CAP2: variants seen among roughly 807,000 people sequenced by gnomAD.
CAP2 encodes adenylyl cyclase-associated protein 2.
In CAP2, 24 loss-of-function variants were observed where a neutral mutation model predicts 57.7. That is an observed-to-expected ratio of 0.42 (90% CI 0.30 to 0.58). CAP2 has a LOEUF of 0.58. Ranked by LOEUF, CAP2 falls within the 20% of genes least tolerant of loss-of-function variation. The pLI is 0.22. For synonymous variants in CAP2, 194 were observed against 207.2 expected, an observed-to-expected ratio of 0.94 and a Z score of 0.55; for missense variants, 501 against 590.3, an observed-to-expected ratio of 0.85 and a Z score of 1.57.
chr6:17,460,122 A>C (rs772516741), intron 3 of CAP2, among the ~76,000 whole-genome samples: 7 of 152,232 alleles, frequency 4.6e-5, no homozygotes, highest in Non-Finnish European at 8.8e-5. Context: ...AAGGGAGAAA[A>C]AAATCAAGCT....
chr6:17,434,646 A>G (rs61406083), intron 3 of CAP2, among the ~76,000 whole-genome samples: 4,733 of 152,262 alleles, frequency 0.031, 213 homozygotes, highest in African/African-American at 0.1. Flanking sequence ...ATTTCCCTCC[A>G]TACCCCTGAA....
At chr6:17,444,977 A>G (rs563137362) in intron 3 of CAP2, among the ~76,000 whole-genome samples, 151 of 152,320 alleles carry the variant, frequency 9.9e-4, no homozygotes, top group African/African-American at 3.5e-3. Context: ...AATATAAGAA[A>G]GTGAGACTAA....
At chr6:17,524,893 CT>C (rs11325666) in intron 7 of CAP2, among the ~76,000 whole-genome samples, 81,757 of 109,592 alleles carry the variant, frequency 0.75, 29,127 homozygotes, top group East Asian at 0.9. Context: ...CTTTTCTTTT[CT>C]TTTTTTTTTT....
At chr6:17,536,531 T>TCG (rs1009739951) in intron 7 of CAP2, among the ~76,000 whole-genome samples, 2 of 152,228 alleles carry the variant, frequency 1.3e-5, no homozygotes, top group African/African-American at 4.8e-5. Flanking sequence ...ATGCTTTGTC[T>TCG]CGCGTTCCTG....
At chr6:17,420,027 A>G (rs985476045) in intron 1 of CAP2, among the ~76,000 whole-genome samples, 2 of 151,878 alleles carry the variant, frequency 1.3e-5, no homozygotes, top group Non-Finnish European at 2.9e-5. Context: ...GTGTGCCATC[A>G]AGCCCAGCTA....
At chr6:17,531,825 C>A (rs1427506722) in intron 7 of CAP2, among the ~76,000 whole-genome samples, 1 of 152,164 alleles carries the variant, frequency 6.6e-6, no homozygotes. Flanking sequence ...CTGAGGAGAG[C>A]TGGTCACTTC....
intron 4 of CAP2, among the ~76,000 whole-genome samples, chr6:17,499,469 C>T (rs1299967891): frequency 2.6e-5 from 4 of 151,100 alleles, no homozygotes; most frequent in Admixed American, 6.6e-5. Flanking sequence ...TGAGATACCA[C>T]GACAACGTAA....
In CAP2 at chr6:17,500,043, G is replaced by A. The variant is rs1239422675; in HGVS notation, c.301-7126G>A. 3.3e-5 allele frequency among the ~76,000 whole-genome samples: 5 copies of A among 151,608 alleles called. No homozygotes were observed. The East Asian group carries it at 9.7e-4, about 29-fold the overall frequency. On this transcript the variant is annotated intron_variant, in intron 4 of 12. Coordinates refer to ENST00000229922, the MANE Select transcript of CAP2 (RefSeq NM_006366.3). ...AACTGTTGTAAAATCATGTACATGA[G>A]TGGTGCTCACTAGGTTTTGCAAACA...
At chr6:17,431,036 G>T (rs1759714699) in intron 3 of CAP2, among the ~76,000 whole-genome samples, 1 of 152,074 alleles carries the variant, frequency 6.6e-6, no homozygotes. Context: ...TCCTGTTCTT[G>T]ATTGAAATGG....
At chr6:17,480,952 ATTTT>A (rs59581120) in intron 4 of CAP2, among the ~76,000 whole-genome samples, 5 of 70,720 alleles carry the variant, frequency 7.1e-5, no homozygotes, top group African/African-American at 2.9e-4. Flanking sequence ...CTAATTTTGT[ATTTT>A]TTTTTTTTTT....
intron 1 of CAP2, among the ~76,000 whole-genome samples, chr6:17,416,396 C>G (rs1305153947): frequency 6.6e-6 from 1 of 152,106 alleles, no homozygotes; most frequent in Non-Finnish European, 1.5e-5. Flanking sequence ...CTTTCTCTAC[C>G]TTTATACTTA....
chr6:17,487,057 T>C (rs1761436820), intron 4 of CAP2, among the ~76,000 whole-genome samples: 2 of 152,204 alleles, frequency 1.3e-5, no homozygotes, highest in Non-Finnish European at 2.9e-5. Context: ...CCCACTGCCA[T>C]CACTTTTCTT....
At chr6:17,474,297 A>G (rs1487011836) in intron 4 of CAP2, among the ~76,000 whole-genome samples, 2 of 138,550 alleles carry the variant, frequency 1.4e-5, no homozygotes, top group Non-Finnish European at 3.0e-5. Flanking sequence ...TTCTTGTTTG[A>G]TATTTTTTTC....
At chr6:17,472,806 A>G (rs1761055485) in intron 4 of CAP2, among the ~76,000 whole-genome samples, 1 of 152,234 alleles carries the variant, frequency 6.6e-6, no homozygotes. Flanking sequence ...GAATCCCAAC[A>G]GGAAAGCTAA....
chr6:17,398,150 A>C (rs533549263), intron 1 of CAP2, among the ~76,000 whole-genome samples: 1 of 152,340 alleles, frequency 6.6e-6, no homozygotes, highest in African/African-American at 2.4e-5. Context: ...CCGGTCACTC[A>C]CGGACATCTT....
At chr6:17,396,292 G>A (rs948163646) in intron 1 of CAP2, among the ~76,000 whole-genome samples, 3 of 152,128 alleles carry the variant, frequency 2.0e-5, no homozygotes, top group South Asian at 4.1e-4. Context: ...CAATTCCATT[G>A]TAAATATATG....
intron 3 of CAP2, among the ~76,000 whole-genome samples, chr6:17,438,654 T>C (rs1759975820): frequency 4.7e-5 from 7 of 147,902 alleles, no homozygotes; most frequent in Admixed American, 3.3e-4. Context: ...TTAGCCAGGA[T>C]GGTCTCAATC....
chr6:17,396,743 G>C (rs1356297095), intron 1 of CAP2, among the ~76,000 whole-genome samples: 2 of 152,180 alleles, frequency 1.3e-5, no homozygotes, highest in Non-Finnish European at 2.9e-5. Flanking sequence ...TATAGTGATA[G>C]TCGCACGTAT....
chr6:17,432,154 G>C (rs985980435), intron 3 of CAP2, among the ~76,000 whole-genome samples: 1 of 152,182 alleles, frequency 6.6e-6, no homozygotes, highest in East Asian at 1.9e-4. Flanking sequence ...CTTATCTCTG[G>C]AATAAATAAT....
Sources: gnomAD v4.1 joint callset for allele counts (sites outside exome capture counted in the v4.1 genomes callset) on GRCh38, gnomAD v4.1.1 for gene constraint, MANE v1.5 for transcripts, NCBI Gene and HGNC (gene_info 2026-07-23, HGNC 2026-07-21) for gene names.